ACSL1: variants seen among roughly 807,000 people sequenced by gnomAD.
ACSL1 encodes the protein long-chain-fatty-acid--CoA ligase 1.
Under a neutral mutation model 98.4 loss-of-function variants are expected in ACSL1, and 41 were observed. That is an observed-to-expected ratio of 0.42 (90% confidence interval 0.32 to 0.54). The LOEUF is 0.54. ACSL1 is among the 20% of genes least tolerant of loss of function. The pLI, the probability that ACSL1 is intolerant of heterozygous loss-of-function variation, is 0.13. For missense variants in ACSL1, 734 were observed against 883.1 expected, an observed-to-expected ratio of 0.83 and a Z score of 2.14; for synonymous variants, 316 against 322.7, an observed-to-expected ratio of 0.98 and a Z score of 0.22.
rs577526347 is a variant in ACSL1 at position 184,767,494 on chromosome 4, G to A, written c.1129-738C>T. Among the ~76,000 whole-genome samples, 115 of 152,230 alleles carry A rather than the reference G, an allele frequency of 7.6e-4. 2 individuals carry two copies. The South Asian group carries it at 0.022, about 30-fold the overall frequency. ...CACAGATGAGCGGATGCTGAAGGGT[G>A]GAGGGGGTCGGGGAGCTGATAAAGA... On this transcript the variant is annotated intron_variant, in intron 12 of 20. Transcript: ENST00000281455.
Position 184,765,944 on chromosome 4 carries a change from C to A in ACSL1, c.1306G>T (p.Ala436Ser). 4.3e-6 allele frequency: 7 copies of A among 1,614,002 alleles called. No homozygotes were observed. The highest frequency in any genetic ancestry group is 5.1e-6 in the Non-Finnish European group (6 of 1,179,978). Residue 436 changes from alanine (A) to serine (S), a missense_variant, in exon 14 of 21, where the codon GCC becomes TCC. Physicochemically the swap from Ala to Ser is moderately conservative, Grantham distance 99. Coordinates refer to ENST00000281455, the MANE Select transcript of ACSL1 (RefSeq NM_001995.5). ...GTCAGCACAGTGGCAGACACCGGGG[C>A]GGCTCCTGTCACCATCAGCCGGACT... ...GRVRLMVTGA[A>S]PVSATVLTFL...
chr4:184,789,664 T>C (rs1344193481), intron 2 of ACSL1, among the ~76,000 whole-genome samples: 1 of 152,212 alleles, frequency 6.6e-6, no homozygotes, highest in Non-Finnish European at 1.5e-5. Context: ...CTGAGTATAT[T>C]TGCTATGTGC....
chr4:184,825,971 C>T (rs1008962387), upstream of ACSL1: 2 of 148,602 alleles, frequency 1.3e-5, no homozygotes, highest in Admixed American at 1.3e-4. This position sits in a 1 kb window ranked among gnomAD's most constrained non-coding sequence, Gnocchi z 4.7. Flanking sequence ...CACTCCCTGC[C>T]CCGCGCCGGC....
chr4:184,757,589 G>T lies in ACSL1; in HGVS notation c.1956+46C>A, dbSNP rs1338314222. The T allele has an allele frequency of 6.4e-7, 1 of 1,558,592 alleles. No individual in the cohort carries two copies. The highest frequency in any genetic ancestry group is 8.7e-7 in the Non-Finnish European group (1 of 1,143,758). ...ATCTACCTGTAAAAAAATCTTAATGGAAAATTTGTTTTACAGGAATTCACC... is the reference window on the plus strand; with the variant it reads ...ATCTACCTGTAAAAAAATCTTAATGTAAAATTTGTTTTACAGGAATTCACC... On this transcript the variant is annotated intron_variant, in intron 20 of 20. Transcript: ENST00000281455. This position sits in a 1 kb window ranked among gnomAD's most constrained non-coding sequence, Gnocchi z 4.5.
intron 14 of ACSL1, among the ~76,000 whole-genome samples, chr4:184,765,634 T>A (rs34197776): frequency 6.6e-6 from 1 of 152,006 alleles, no homozygotes; most frequent in Non-Finnish European, 1.5e-5. Flanking sequence ...GCCCAGAGGG[T>A]AGATTCCAAG....
rs762578199 is a variant in ACSL1 at position 184,766,584 on chromosome 4, GGTTTCCA to G, written c.1263+31_1263+37del. On this transcript the variant is annotated intron_variant, in intron 13 of 20. Coordinates refer to ENST00000281455, the MANE Select transcript of ACSL1 (RefSeq NM_001995.5). The surrounding 1 kb of genome is among the most constrained non-coding windows in gnomAD (Gnocchi z 4.8). ...TCCCAGAACTCTGAAAAGCGAAGTC[GGTTTCCA>G]TGGGAGCAGTGGCTGTGAGTCACGT... 3.8e-6 allele frequency: 6 copies of G among 1,592,270 alleles called. No individual in the cohort carries two copies. In the African/African-American group the frequency reaches 8.1e-5, roughly 21 times the overall value.
chr4:184,823,966 G>A (rs1773262086), intron 1 of ACSL1, among the ~76,000 whole-genome samples: 1 of 152,112 alleles, frequency 6.6e-6, no homozygotes, highest in Non-Finnish European at 1.5e-5. Flanking sequence ...CTACATGCAT[G>A]GGTCACTTGT....
intron 1 of ACSL1, among the ~76,000 whole-genome samples, chr4:184,813,063 T>C (rs567662553): frequency 6.6e-6 from 1 of 152,192 alleles, no homozygotes; most frequent in Admixed American, 6.5e-5. Context: ...CATATAGCTC[T>C]CCTCCCTTCT....
intron 18 of ACSL1, chr4:184,758,144 T>TA (rs1470302753): frequency 2.0e-6 from 1 of 510,030 alleles, no homozygotes; most frequent in Non-Finnish European, 3.5e-6. Context: ...TTAATGTTTT[T>TA]AAAAAACCAC....
chr4:184,776,120 T>G (rs998883353), intron 7 of ACSL1, among the ~76,000 whole-genome samples: 3 of 152,180 alleles, frequency 2.0e-5, no homozygotes, highest in African/African-American at 7.2e-5. Context: ...TGGCTTGGCA[T>G]TAGAGACAAA....
In ACSL1 at chr4:184,756,710, T is replaced by G. The variant is rs555584091; in HGVS notation, c.*415A>C. 4 of 157,808 alleles carry G rather than the reference T, an allele frequency of 2.5e-5. No individual in the cohort carries two copies. The highest frequency in any genetic ancestry group is 6.2e-5 in the Admixed American group (1 of 16,226). The allele number at this position is 157,808 out of a possible 1,614,324, so 9.8% of individuals were successfully genotyped here. On this transcript the variant is annotated 3_prime_UTR_variant, in exon 21 of 21. Transcript: ENST00000281455. ...AAGGGAACACTTCCCTCTAGTGCAC[T>G]GTACTCTTTAGAGCAGCAGACAGCT... is the stretch of plus-strand genomic sequence containing the variant.
At chr4:184,808,971 T>C (rs115556011) in intron 1 of ACSL1, among the ~76,000 whole-genome samples, 204 of 152,302 alleles carry the variant, frequency 1.3e-3, no homozygotes, top group African/African-American at 4.8e-3. Flanking sequence ...TGGGATCCCA[T>C]AACAAACATG....
In ACSL1 at chr4:184,788,840, T is replaced by C. The variant is rs1767866684; in HGVS notation, c.196-109A>G. On this transcript the variant is annotated intron_variant, in intron 2 of 20. Transcript: ENST00000281455. The stretch of plus-strand genomic sequence containing the variant: ...ATCCATTCCTTTACATTCTTGTCAC[T>C]TATCTGTAGTGAGAACACTTAAAAT... The C allele has an allele frequency of 1.1e-5, 9 of 785,330 alleles. No homozygotes were observed. The South Asian group carries it at 1.5e-4, about 13-fold the overall frequency. 48.6% of individuals were successfully genotyped at this position (785,330 alleles called of 1,614,324 possible).
Position 184,784,003 on chromosome 4 carries a change from G to GA in ACSL1, c.311-13dup. The stretch of plus-strand genomic sequence containing the variant: ...ACAAGGGCCATTATCTAAAAAAAGA[G>GA]AAAAAACAACAGATGGGCTGAACGT... On this transcript the variant is annotated splice_polypyrimidine_tract_variant and intron_variant, in intron 3 of 20. Transcript: ENST00000281455. 1 of 1,608,468 alleles carries GA rather than the reference G, an allele frequency of 6.2e-7. No homozygotes were observed. The highest frequency in any genetic ancestry group is 1.1e-5 in the South Asian group (1 of 90,840).
intron 2 of ACSL1, chr4:184,799,116 C>CTTTTTTTTT (rs34651371): frequency 8.3e-6 from 1 of 121,152 alleles, no homozygotes. Context: ...TTACCTGATT[C>CTTTTTTTTT]TTTTTTTTTT....
chr4:184,765,910 C>T lies in ACSL1; in HGVS notation c.1340G>A (p.Arg447Lys). ...PVSATVLTFLRAALGCQFYEG... is the reference protein window; with the variant it reads ...PVSATVLTFLKAALGCQFYEG... The stretch of plus-strand genomic sequence containing the variant: ...CCTCACCTGACAGCCCAGGGCTGCT[C>T]TGAGGAACGTCAGCACAGTGGCAGA... Residue 447 changes from arginine to lysine, a missense_variant, in exon 14 of 21, where the codon AGA becomes AAA. Coordinates refer to ENST00000281455, the MANE Select transcript of ACSL1 (RefSeq NM_001995.5). 1.2e-6 allele frequency: 2 copies of T among 1,614,040 alleles called. No homozygotes were observed. The highest frequency in any genetic ancestry group is 8.5e-7 in the Non-Finnish European group (1 of 1,179,986).
intron 15 of ACSL1, among the ~76,000 whole-genome samples, chr4:184,764,104 T>C (rs985335270): frequency 2.6e-5 from 4 of 152,208 alleles, no homozygotes; most frequent in Non-Finnish European, 4.4e-5. Flanking sequence ...GAAGTTTATT[T>C]ATCACAGTGT....
intron 1 of ACSL1, among the ~76,000 whole-genome samples, chr4:184,807,465 C>T (rs1159161859): frequency 6.6e-6 from 1 of 152,174 alleles, no homozygotes; most frequent in Non-Finnish European, 1.5e-5. Flanking sequence ...AGTGGGTTTG[C>T]TCAGCTGGGT....
rs930994465 is a variant in ACSL1, at chr4:184,815,325, C to T, written c.-33+10591G>A. ...GGCAGGTGGGCTGGGGACTCGCAGCCGCATTGTAAGGCAACCGTCAGGAGC... is the reference window on the plus strand; with the variant it reads ...GGCAGGTGGGCTGGGGACTCGCAGCTGCATTGTAAGGCAACCGTCAGGAGC... On this transcript the variant is annotated intron_variant, in intron 1 of 20. Coordinates refer to ENST00000281455, the MANE Select transcript of ACSL1 (RefSeq NM_001995.5). Among the ~76,000 whole-genome samples, 43 of 152,126 alleles carry T rather than the reference C, an allele frequency of 2.8e-4. 1 individual carries two copies. Among genetic ancestry groups the T allele is most frequent in the Non-Finnish European group, 3.5e-4 (24 of 68,002 alleles).
Sources: allele counts gnomAD v4.1 joint callset (sites outside exome capture counted in the v4.1 genomes callset), GRCh38; gene constraint gnomAD v4.1.1; non-coding constraint Gnocchi (gnomAD v3.1); transcripts MANE v1.5; gene names NCBI Gene and HGNC (gene_info 2026-07-23, HGNC 2026-07-21).